ADAMTS16: variants seen among roughly 807,000 people sequenced by gnomAD.
ADAMTS16 encodes A disintegrin and metalloproteinase with thrombospondin motifs 16.
Under a neutral mutation model 145.8 loss-of-function variants are expected in ADAMTS16, and 94 were observed. The ratio of observed to expected loss-of-function variants is 0.64; its 90% CI spans 0.55 to 0.77. ADAMTS16 has a LOEUF of 0.77. ADAMTS16 is among the 30% of genes least tolerant of loss of function. ADAMTS16 has a pLI of 0.00. For synonymous variants in ADAMTS16, 659 were observed against 604.3 expected (o/e 1.09, Z -1.33); for missense variants, 1,585 against 1,591.5 (o/e 1.00, Z 0.07).
Position 5,191,775 on chromosome 5 carries a change from A to C in ADAMTS16, c.1298A>C (p.His433Pro). ...CTTGGACTGGCCTTCACCATTGCCCATGAGTCTGGACACAAGTAAGTGCAT... is the reference window on the plus strand; with the variant it reads ...CTTGGACTGGCCTTCACCATTGCCCCTGAGTCTGGACACAAGTAAGTGCAT... ...TGLGLAFTIA[H>P]ESGHNFGMIH... Residue 433 changes from histidine to proline, a missense_variant, in exon 8 of 23, where the codon CAT becomes CCT. Transcript: ENST00000274181. 1.2e-6 allele frequency: 2 copies of C among 1,612,976 alleles called. No homozygotes were observed. Among genetic ancestry groups the C allele is most frequent in the Non-Finnish European group, 1.7e-6 (2 of 1,179,362 alleles).
In ADAMTS16 at chr5:5,318,114, T is replaced by C; in HGVS notation, c.3412-20T>C. 4 of 1,395,482 alleles carry C rather than the reference T, an allele frequency of 2.9e-6. No homozygotes were observed. The highest frequency in any genetic ancestry group is 2.9e-5 in the African/African-American group (2 of 67,950). The allele number at this position is 1,395,482 out of a possible 1,614,324, so 86.4% of individuals were successfully genotyped here. ...CTGAGAGCCTGGGGCCATGGTGACA[T>C]GTGTGTGTTGCTCTCACAGTGCACG... On this transcript the variant is annotated intron_variant, in intron 21 of 22. Coordinates refer to ENST00000274181, the MANE Select transcript of ADAMTS16 (RefSeq NM_139056.4).
At chr5:5,304,963 CCACA>C (rs139164157) in intron 20 of ADAMTS16, among the ~76,000 whole-genome samples, 9 of 131,062 alleles carry the variant, frequency 6.9e-5, no homozygotes, top group South Asian at 2.5e-4. Context: ...ACATCCCACA[CCACA>C]CACACACACA....
intron 17 of ADAMTS16, among the ~76,000 whole-genome samples, chr5:5,255,765 T>C (rs994377883): frequency 3.9e-5 from 6 of 152,220 alleles, no homozygotes; most frequent in African/African-American, 9.6e-5. Flanking sequence ...AAGTTGTATG[T>C]TATTATGTTC....
At chr5:5,171,733 T>C (rs992537258) in intron 3 of ADAMTS16, among the ~76,000 whole-genome samples, 1 of 152,102 alleles carries the variant, frequency 6.6e-6, no homozygotes. Context: ...GTCGTTTCCT[T>C]TTTTTTGGTG....
At chr5:5,164,628 G>A (rs1458039486) in intron 3 of ADAMTS16, among the ~76,000 whole-genome samples, 2 of 152,148 alleles carry the variant, frequency 1.3e-5, no homozygotes, top group Non-Finnish European at 1.5e-5. Flanking sequence ...TGGGCTCACC[G>A]TGTCCTGGTC....
intron 3 of ADAMTS16, among the ~76,000 whole-genome samples, chr5:5,176,531 C>T (rs1735200794): frequency 6.6e-6 from 1 of 152,106 alleles, no homozygotes; most frequent in Non-Finnish European, 1.5e-5. Context: ...GCTCTTCATG[C>T]TCTCAGAACA....
chr5:5,293,887 C>CT (rs1377152641), intron 18 of ADAMTS16, among the ~76,000 whole-genome samples: 4 of 152,190 alleles, frequency 2.6e-5, no homozygotes, highest in Admixed American at 2.6e-4. Context: ...CATCTTTACT[C>CT]TAACAGCTGA....
chr5:5,275,825 A>T (rs1463719123), intron 18 of ADAMTS16, among the ~76,000 whole-genome samples: 1 of 151,736 alleles, frequency 6.6e-6, no homozygotes, highest in Non-Finnish European at 1.5e-5. Flanking sequence ...TTAGTAAATA[A>T]TATTCTGCTG....
chr5:5,186,394 T>C, intron 5 of ADAMTS16, 143 bp downstream of exon 5: 4 of 796,446 alleles, frequency 5.0e-6, no homozygotes, highest in Non-Finnish European at 7.9e-6. Context: ...ATTTTATTGG[T>C]GATAACTCAT....
chr5:5,209,114 T>C lies in ADAMTS16; in HGVS notation c.1473T>C (p.Leu491=). 6.2e-7 allele frequency: 1 copy of C among 1,613,854 alleles called. No homozygotes were observed. Among genetic ancestry groups the C allele is most frequent in the Non-Finnish European group, 8.5e-7 (1 of 1,179,804 alleles). ...KFLSTAQAIC[L]ADQPKPVKEY... ...TCAGCACCGCTCAAGCTATCTGCCT[T>C]GCTGATCAGCCAAAGCCTGTGAAGG... The change falls in exon 10 of 23, where the codon CTT becomes CTC. Residue 491 remains leucine, a synonymous_variant. Transcript: ENST00000274181.
At chr5:5,174,838 G>A (rs137999864) in intron 3 of ADAMTS16, among the ~76,000 whole-genome samples, 17 of 152,218 alleles carry the variant, frequency 1.1e-4, no homozygotes, top group Non-Finnish European at 2.4e-4. Flanking sequence ...GATAGGTACT[G>A]CCTGGCTGCC....
intron 18 of ADAMTS16, among the ~76,000 whole-genome samples, chr5:5,274,020 G>A (rs1738587201): frequency 6.6e-6 from 1 of 152,080 alleles, no homozygotes; most frequent in African/African-American, 2.4e-5. Context: ...TATGTGTTTT[G>A]TTTTATTTAC....
At position 5,269,002 on chromosome 5, in the gene ADAMTS16, T is replaced by A. The variant is rs142985366; in HGVS notation, c.2789+6219T>A. On this transcript the variant is annotated intron_variant, in intron 18 of 22. Transcript: ENST00000274181. The surrounding 1 kb of genome is among the most constrained non-coding windows in gnomAD (Gnocchi z 4.3). Reference sequence around the variant, plus strand: ...CTTGTTAAGCCATGCCTGCTGGGTCTAGTTGGTGCAGCTCAGCCACATTCT... The same window carrying A: ...CTTGTTAAGCCATGCCTGCTGGGTCAAGTTGGTGCAGCTCAGCCACATTCT... Among the ~76,000 whole-genome samples, 2 of 152,266 alleles carry A rather than the reference T, an allele frequency of 1.3e-5. No individual in the cohort carries two copies. The highest frequency in any genetic ancestry group is 3.9e-4 in the East Asian group (2 of 5,174).
intron 17 of ADAMTS16, among the ~76,000 whole-genome samples, chr5:5,258,228 C>T (rs1208775992): frequency 6.6e-6 from 1 of 152,092 alleles, no homozygotes; most frequent in African/African-American, 2.4e-5. Context: ...TTGGTGAGGT[C>T]GGGGAGTGGG....
intron 10 of ADAMTS16, among the ~76,000 whole-genome samples, chr5:5,219,282 G>T (rs887694560): frequency 6.6e-6 from 1 of 152,124 alleles, no homozygotes; most frequent in African/African-American, 2.4e-5. Flanking sequence ...ACAATAAATT[G>T]TTGTTAACTA....
At chr5:5,301,920 T>C (rs962917274) in intron 18 of ADAMTS16, among the ~76,000 whole-genome samples, 8 of 152,140 alleles carry the variant, frequency 5.3e-5, no homozygotes, top group Non-Finnish European at 1.2e-4. Flanking sequence ...ACTGATGTGC[T>C]TGCAAGGAGG....
At position 5,269,059 on chromosome 5, in the gene ADAMTS16, G is replaced by A. The variant is rs367832003; in HGVS notation, c.2789+6276G>A. On this transcript the variant is annotated intron_variant, in intron 18 of 22. Transcript: ENST00000274181. The surrounding 1 kb of genome is among the most constrained non-coding windows in gnomAD (Gnocchi z 4.3). ...ATACACACCTCACCTGTGACCTCTCGGTCCTTAACACCCCTCTCCAGACAG... is the reference window on the plus strand; with the variant it reads ...ATACACACCTCACCTGTGACCTCTCAGTCCTTAACACCCCTCTCCAGACAG... Among the ~76,000 whole-genome samples, 24 of 152,170 alleles carry A rather than the reference G, an allele frequency of 1.6e-4. No homozygotes were observed. Among genetic ancestry groups the A allele is most frequent in the East Asian group, 5.8e-4 (3 of 5,178 alleles).
At chr5:5,161,313 G>T (rs891772855) in intron 3 of ADAMTS16, among the ~76,000 whole-genome samples, 7 of 152,092 alleles carry the variant, frequency 4.6e-5, no homozygotes, top group African/African-American at 1.7e-4. Flanking sequence ...CTTTCAAGAG[G>T]TCATTTTTGT....
chr5:5,255,776 A>G (rs1247951362), intron 17 of ADAMTS16, among the ~76,000 whole-genome samples: 1 of 152,204 alleles, frequency 6.6e-6, no homozygotes, highest in Non-Finnish European at 1.5e-5. Context: ...TATTATGTTC[A>G]ACATATTGAC....
Sources: allele counts gnomAD v4.1 joint callset (sites outside exome capture counted in the v4.1 genomes callset), GRCh38; gene constraint gnomAD v4.1.1; non-coding constraint Gnocchi (gnomAD v3.1); transcripts MANE v1.5; gene names NCBI Gene and HGNC (gene_info 2026-07-23, HGNC 2026-07-21).